Variants in ANKMY2 observed in about 807,000 individuals in gnomAD.
ANKMY2 encodes the protein ankyrin repeat and MYND domain-containing protein 2.
ANKMY2 carries 36 observed loss-of-function variants against 50.4 expected under a neutral mutation model. That is an observed-to-expected ratio of 0.71 (90% CI 0.55 to 0.94). The LOEUF is 0.94. ANKMY2 is among the 40% of genes least tolerant of loss of function. ANKMY2 has a pLI of 0.00. For missense variants in ANKMY2, 565 were observed against 524.0 expected (o/e 1.08, Z -0.76); for synonymous variants, 187 against 178.8 (o/e 1.05, Z -0.36).
chr7:16,600,775 C>A lies in ANKMY2; in HGVS notation c.1312G>T (p.Val438Leu). 3.1e-6 allele frequency: 5 copies of A among 1,610,374 alleles called. No individual in the cohort carries two copies. Among genetic ancestry groups the A allele is most frequent in the Non-Finnish European group, 4.2e-6 (5 of 1,178,282 alleles). The change falls in exon 10 of 10, where the codon GTG becomes TTG. Residue 438 changes from valine to leucine, a missense_variant. Val to Leu is a conservative substitution (Grantham distance 32, BLOSUM62 1). Coordinates refer to ENST00000306999, the MANE Select transcript of ANKMY2 (RefSeq NM_020319.3). ...TGCTCTGGCTTTTACTCCTCAGACACCTGTGGCCCTGCAGGAGCATCCTGT... is the reference window on the plus strand; with the variant it reads ...TGCTCTGGCTTTTACTCCTCAGACAACTGTGGCCCTGCAGGAGCATCCTGT... ...GLQDAPAGPQ[V>L]SEE
chr7:16,645,673 G>C lies in ANKMY2; in HGVS notation c.-100C>G. The stretch of plus-strand genomic sequence containing the variant: ...CGCCAGCCGCAATGAGGCAACTTGA[G>C]ACCAAGACACTGAGTAGCCAACCGC... On this transcript the variant is annotated 5_prime_UTR_variant, in exon 1 of 10. Transcript: ENST00000306999. 1 of 1,333,270 alleles carries C rather than the reference G, an allele frequency of 7.5e-7. No individual in the cohort carries two copies. The highest frequency in any genetic ancestry group is 1.0e-6 in the Non-Finnish European group (1 of 973,006). The allele number at this position is 1,333,270 out of a possible 1,614,324, so 82.6% of individuals were successfully genotyped here. A position where few individuals can be genotyped will look rare whatever the true frequency, so the allele number is the denominator to read the frequency against.
chr7:16,622,248 G>A (rs1392857016), intron 4 of ANKMY2, among the ~76,000 whole-genome samples: 1 of 151,938 alleles, frequency 6.6e-6, no homozygotes, highest in African/African-American at 2.4e-5. Flanking sequence ...AGTATAAGTG[G>A]GTAATCCACA....
chr7:16,643,788 G>T (rs913573509), intron 1 of ANKMY2, among the ~76,000 whole-genome samples: 2 of 151,006 alleles, frequency 1.3e-5, no homozygotes, highest in African/African-American at 4.9e-5. Flanking sequence ...GGAGGCCGAG[G>T]CAGGAGGATC....
chr7:16,619,910 G>A (rs952408700), intron 4 of ANKMY2, among the ~76,000 whole-genome samples: 1 of 152,172 alleles, frequency 6.6e-6, no homozygotes, highest in African/African-American at 2.4e-5. Flanking sequence ...CTTCCAGAAT[G>A]AGAAATGTAA....
chr7:16,636,749 A>G (rs116100245), intron 1 of ANKMY2, among the ~76,000 whole-genome samples: 2 of 152,054 alleles, frequency 1.3e-5, no homozygotes, highest in African/African-American at 2.4e-5. Context: ...ACCACAAAGC[A>G]TAAGACTTAA....
intron 2 of ANKMY2, among the ~76,000 whole-genome samples, chr7:16,635,920 G>A (rs1238634454): frequency 6.6e-6 from 1 of 151,996 alleles, no homozygotes; most frequent in Non-Finnish European, 1.5e-5. Context: ...ATTTTTACAT[G>A]CTTATTTTTC....
chr7:16,644,659 G>A (rs1003391921), intron 1 of ANKMY2: 3 of 470,892 alleles, frequency 6.4e-6, no homozygotes, highest in African/African-American at 6.0e-5. Flanking sequence ...GGGTGCAGAA[G>A]AAGCATGCAG....
chr7:16,645,098 G>A (rs754443632), intron 1 of ANKMY2, among the ~76,000 whole-genome samples: 25 of 152,114 alleles, frequency 1.6e-4, no homozygotes, highest in Non-Finnish European at 2.9e-4. Flanking sequence ...CATTCGGCCT[G>A]CGGAAGTCTA....
chr7:16,613,788 T>C (rs1046016440), intron 5 of ANKMY2, among the ~76,000 whole-genome samples: 56 of 151,786 alleles, frequency 3.7e-4, no homozygotes, highest in African/African-American at 1.4e-3. Flanking sequence ...ATACAAAAAT[T>C]AGCCAGGCGT....
rs148845120 is a variant in ANKMY2 at position 16,624,255 on chromosome 7, G to A, written c.370+728C>T. On this transcript the variant is annotated intron_variant, in intron 4 of 9. Coordinates refer to ENST00000306999, the MANE Select transcript of ANKMY2 (RefSeq NM_020319.3). ...TTACTGCACTCCCAATAAATCAGAC[G>A]TTGCTCTTTGCTTTTCTCTCAGTGG... 9.3e-4 allele frequency among the ~76,000 whole-genome samples: 142 copies of A among 152,192 alleles called. 1 individual carries two copies. The highest frequency in any genetic ancestry group is 1.8e-3 in the Non-Finnish European group (121 of 68,002).
At chr7:16,642,537 G>A (rs1289808285) in intron 1 of ANKMY2, among the ~76,000 whole-genome samples, 4 of 151,922 alleles carry the variant, frequency 2.6e-5, no homozygotes, top group Non-Finnish European at 4.4e-5. Context: ...TATTTGCCGA[G>A]TTTATTTCAG....
chr7:16,643,176 A>G (rs1225836444), intron 1 of ANKMY2, among the ~76,000 whole-genome samples: 1 of 152,208 alleles, frequency 6.6e-6, no homozygotes, highest in Admixed American at 6.5e-5. Context: ...GGCTCAGGAA[A>G]AGTCACTTGC....
In ANKMY2 at chr7:16,638,165, T is replaced by C. The variant is rs547752714; in HGVS notation, c.68-1710A>G. On this transcript the variant is annotated intron_variant, in intron 1 of 9. Transcript: ENST00000306999. Reference sequence around the variant, plus strand: ...CCCATAAACACCAAGCAATTCTCCATTGGACACCAATGGGGTATCCTATAA... The same window carrying C: ...CCCATAAACACCAAGCAATTCTCCACTGGACACCAATGGGGTATCCTATAA... 5.9e-5 allele frequency among the ~76,000 whole-genome samples: 9 copies of C among 152,360 alleles called. 1 individual carries two copies. The South Asian group carries it at 6.2e-4, about 11-fold the overall frequency.
At chr7:16,617,925 T>G (rs945064076) in intron 4 of ANKMY2, among the ~76,000 whole-genome samples, 1 of 136,728 alleles carries the variant, frequency 7.3e-6, no homozygotes, top group Non-Finnish European at 1.5e-5. Context: ...GTGTTTTTTT[T>G]TTTTTTTTTT....
At position 16,636,457 on chromosome 7, in the gene ANKMY2, TAAAA is replaced by T; in HGVS notation, c.68-6_68-3del. 22 of 1,396,586 alleles carry T rather than the reference TAAAA, an allele frequency of 1.6e-5. No homozygotes were observed. The highest frequency in any genetic ancestry group is 3.1e-5 in the African/African-American group (2 of 63,692). The allele number at this position is 1,396,586 out of a possible 1,614,324, so 86.5% of individuals were successfully genotyped here. A position where few individuals can be genotyped will look rare whatever the true frequency, so the allele number is the denominator to read the frequency against. Reference sequence around the variant, plus strand: ...ATGTTCCAGCTTCTTGGACAGTACCTAAAAAAAAAAAAAAGATGAAAAGTAAGGT... The same window carrying T: ...ATGTTCCAGCTTCTTGGACAGTACCTAAAAAAAAAAGATGAAAAGTAAGGT... On this transcript the variant is annotated splice_region_variant and splice_polypyrimidine_tract_variant and intron_variant, in intron 1 of 9. Transcript: ENST00000306999.
intron 5 of ANKMY2, among the ~76,000 whole-genome samples, chr7:16,612,489 G>T (rs1781270578): frequency 6.6e-6 from 1 of 152,146 alleles, no homozygotes; most frequent in African/African-American, 2.4e-5. Flanking sequence ...TGGTGGAGAA[G>T]AAAAGACTCA....
At chr7:16,638,227 T>A (rs550022109) in intron 1 of ANKMY2, among the ~76,000 whole-genome samples, 1 of 152,278 alleles carries the variant, frequency 6.6e-6, no homozygotes, top group South Asian at 2.1e-4. Flanking sequence ...CTAAAGTTAG[T>A]CAGATCTTAC....
chr7:16,634,588 A>T (rs975554636), intron 2 of ANKMY2, among the ~76,000 whole-genome samples: 1 of 152,162 alleles, frequency 6.6e-6, no homozygotes, highest in South Asian at 2.1e-4. Context: ...ACTGATCAAC[A>T]CACGCGTATG....
chr7:16,644,705 G>A (rs1781799731), intron 1 of ANKMY2: 1 of 471,158 alleles, frequency 2.1e-6, no homozygotes, highest in Non-Finnish European at 4.4e-6. Context: ...ACGGGACTCG[G>A]CAGGGAACTC....
Sources: allele counts gnomAD v4.1 joint callset (sites outside exome capture counted in the v4.1 genomes callset), GRCh38; gene constraint gnomAD v4.1.1; transcripts MANE v1.5; gene names NCBI Gene and HGNC (gene_info 2026-07-23, HGNC 2026-07-21).